Variants in LNPEP observed in about 807,000 individuals in gnomAD.
LNPEP encodes leucyl-cystinyl aminopeptidase.
A neutral mutation model predicts 120.6 loss-of-function variants in LNPEP; 64 were observed. The ratio of observed to expected loss-of-function variants is 0.53; its 90% CI spans 0.43 to 0.65. The LOEUF (loss-of-function observed/expected upper bound fraction) is 0.65, where lower values mean the gene tolerates loss of function less well. LNPEP is among the 30% of genes least tolerant of loss of function. The probability of loss-of-function intolerance (pLI) is 0.00; values close to 1 mark genes in which losing one functional copy is unlikely to be tolerated. For missense variants in LNPEP, 1,057 were observed against 1,200.0 expected (o/e 0.88, Z 1.76); for synonymous variants, 435 against 425.4 (o/e 1.02, Z -0.28).
chr5:96,986,693 T>C, intron 4 of LNPEP, 23 bp downstream of exon 4: 2 of 1,611,036 alleles, frequency 1.2e-6, no homozygotes, highest in Non-Finnish European at 1.7e-6. Context: ...GGTAATTGTC[T>C]GAAAGCCTGT....
intron 1 of LNPEP, chr5:96,958,399 C>A: frequency 1.3e-6 from 1 of 783,648 alleles, no homozygotes. Flanking sequence ...AATTGAATTA[C>A]CTAATAGCTA....
At chr5:96,943,469 T>TA (rs1177244596) in intron 1 of LNPEP, among the ~76,000 whole-genome samples, 1 of 152,188 alleles carries the variant, frequency 6.6e-6, no homozygotes, top group Non-Finnish European at 1.5e-5. Context: ...GTATTTTTTG[T>TA]AGAGATGGAG....
At chr5:97,000,120 A>G (rs534569160) in intron 8 of LNPEP, among the ~76,000 whole-genome samples, 3 of 152,278 alleles carry the variant, frequency 2.0e-5, no homozygotes, top group African/African-American at 7.2e-5. Flanking sequence ...AAATGAATGA[A>G]TAAGTAGGTA....
rs1054169773 is a variant in LNPEP, at chr5:97,029,980, G to A, written c.*1447G>A. ...TATTTTGTTTGAAAACAGTTTCTAT[G>A]TACATAAAAAGGGTATTTACCCATT... On this transcript the variant is annotated 3_prime_UTR_variant, in exon 18 of 18. Coordinates refer to ENST00000231368, the MANE Select transcript of LNPEP (RefSeq NM_005575.3). 3 of 151,968 alleles carry A rather than the reference G, an allele frequency of 2.0e-5. No individual in the cohort carries two copies. Among genetic ancestry groups the A allele is most frequent in the African/African-American group, 7.2e-5 (3 of 41,384 alleles). The allele number at this position is 151,968 out of a possible 1,614,324, so 9.4% of individuals were successfully genotyped here. A position where few individuals can be genotyped will look rare whatever the true frequency, so the allele number is the denominator to read the frequency against.
Position 97,036,750 on chromosome 5 carries a change from A to T in LNPEP, c.*8217A>T, listed in dbSNP as rs989936175. On this transcript the variant is annotated 3_prime_UTR_variant, in exon 18 of 18. Transcript: ENST00000231368. ...TTTGCAAAGAAATGTTACATACTGTATATCAAACTCTCAGATTCTAGTGTT... is the reference window on the plus strand; with the variant it reads ...TTTGCAAAGAAATGTTACATACTGTTTATCAAACTCTCAGATTCTAGTGTT... The T allele has an allele frequency of 1.3e-5, 2 of 152,178 alleles. No homozygotes were observed. Among genetic ancestry groups the T allele is most frequent in the African/African-American group, 4.8e-5 (2 of 41,458 alleles). 9.4% of individuals were successfully genotyped at this position (152,178 alleles called of 1,614,324 possible).
At chr5:96,994,112 C>G in intron 6 of LNPEP, 141 bp downstream of exon 6, 1 of 682,112 alleles carries the variant, frequency 1.5e-6, no homozygotes, top group Non-Finnish European at 2.4e-6. Flanking sequence ...TTTTTAAACA[C>G]AAACTTCATT....
At chr5:96,946,424 GA>G (rs1404178670) in intron 1 of LNPEP, among the ~76,000 whole-genome samples, 3 of 152,172 alleles carry the variant, frequency 2.0e-5, no homozygotes, top group Non-Finnish European at 4.4e-5. Flanking sequence ...GAATTAGATG[GA>G]AATAAGCACA....
chr5:97,031,508 C>T lies in LNPEP; in HGVS notation c.*2975C>T, dbSNP rs1007629182. ...GCCACCACAGGAACACAAGAGTTGT[C>T]AGAAGACTCCTGGGTGTACAGAGCA... On this transcript the variant is annotated 3_prime_UTR_variant, in exon 18 of 18. Coordinates refer to ENST00000231368, the MANE Select transcript of LNPEP (RefSeq NM_005575.3). 2.6e-5 allele frequency: 4 copies of T among 152,182 alleles called. No individual in the cohort carries two copies. The highest frequency in any genetic ancestry group is 4.4e-5 in the Non-Finnish European group (3 of 68,036). 9.4% of individuals were successfully genotyped at this position (152,182 alleles called of 1,614,324 possible).
chr5:96,966,379 A>G (rs116059270), intron 1 of LNPEP, among the ~76,000 whole-genome samples: 2,285 of 152,162 alleles, frequency 0.015, 62 homozygotes, highest in African/African-American at 0.052. Flanking sequence ...ACATGCCTGT[A>G]GTCCCACCTA....
chr5:96,995,100 C>T (rs1393504853), intron 6 of LNPEP, among the ~76,000 whole-genome samples: 1 of 151,970 alleles, frequency 6.6e-6, no homozygotes, highest in African/African-American at 2.4e-5. Flanking sequence ...GAGTGAAACT[C>T]CATCTCAAAA....
At chr5:96,938,425 A>G (rs1162761481) in intron 1 of LNPEP, among the ~76,000 whole-genome samples, 1 of 152,256 alleles carries the variant, frequency 6.6e-6, no homozygotes, top group African/African-American at 2.4e-5. Context: ...AACAAAAAAC[A>G]GTTTCAGTAA....
chr5:97,010,673 A>G (rs957175791), intron 11 of LNPEP: 3 of 985,170 alleles, frequency 3.0e-6, no homozygotes, highest in African/African-American at 1.7e-5. Flanking sequence ...AGATTACTTC[A>G]TCTGGGCTTC....
In LNPEP at chr5:97,024,588, C is replaced by T; in HGVS notation, c.2629C>T (p.Leu877Phe). Residue 877 changes from leucine to phenylalanine, a missense_variant, in exon 15 of 18, where the codon CTT (leucine) becomes TTT (phenylalanine). Coordinates refer to ENST00000231368, the MANE Select transcript of LNPEP (RefSeq NM_005575.3). ...GAKTDKGWSFLLGKYISIGSE... is the reference protein window; with the variant it reads ...GAKTDKGWSFFLGKYISIGSE... Reference sequence around the variant, plus strand: ...AAAAACTGACAAAGGCTGGTCATTCCTTTTGGGCAAATACATTTCTATAGG... The same window carrying T: ...AAAAACTGACAAAGGCTGGTCATTCTTTTTGGGCAAATACATTTCTATAGG... 1 of 1,614,072 alleles carries T rather than the reference C, an allele frequency of 6.2e-7. No homozygotes were observed. Among genetic ancestry groups the T allele is most frequent in the Non-Finnish European group, 8.5e-7 (1 of 1,179,958 alleles).
chr5:96,989,347 TA>T (rs1561443107), intron 4 of LNPEP, among the ~76,000 whole-genome samples: 1,031 of 23,778 alleles, frequency 0.043, 18 homozygotes, highest in African/African-American at 0.14. Context: ...TAATATATAA[TA>T]TATTATATAT....
chr5:96,946,173 C>T (rs1237448348), intron 1 of LNPEP, among the ~76,000 whole-genome samples: 1 of 152,124 alleles, frequency 6.6e-6, no homozygotes, highest in African/African-American at 2.4e-5. Flanking sequence ...GGCTCAGCGC[C>T]TTAGTATCTA....
Position 96,998,155 on chromosome 5 carries a change from TGAACAAAAAGGTAGCTG to T in LNPEP, c.1653+13_1653+29del. ...TCTTTCCTATTTTAAGGTATTGCTG[TGAACAAAAAGGTAGCTG>T]GAGTGGGTTTAAAATTTCGTATAAT... On this transcript the variant is annotated intron_variant, in intron 8 of 17. Transcript: ENST00000231368. 1.3e-6 allele frequency: 2 copies of T among 1,581,638 alleles called. No individual in the cohort carries two copies. The highest frequency in any genetic ancestry group is 2.3e-5 in the South Asian group (2 of 85,146).
At chr5:97,010,366 A>C in intron 11 of LNPEP, 1 of 984,700 alleles carries the variant, frequency 1.0e-6, no homozygotes, top group Non-Finnish European at 1.2e-6. Context: ...GGTAATTAGG[A>C]TGAAAGAAGG....
At chr5:96,970,551 A>C (rs1223526704) in intron 1 of LNPEP, among the ~76,000 whole-genome samples, 1 of 152,014 alleles carries the variant, frequency 6.6e-6, no homozygotes, top group Non-Finnish European at 1.5e-5. Flanking sequence ...TAAGTCTACC[A>C]TGTTGCCACT....
At chr5:96,945,530 AT>A (rs1789168201) in intron 1 of LNPEP, among the ~76,000 whole-genome samples, 1 of 151,948 alleles carries the variant, frequency 6.6e-6, no homozygotes, top group African/African-American at 2.4e-5. Flanking sequence ...AAATACCTTT[AT>A]TTCTTTCACA....
Sources: allele counts gnomAD v4.1 joint callset (sites outside exome capture counted in the v4.1 genomes callset), GRCh38; gene constraint gnomAD v4.1.1; transcripts MANE v1.5; gene names NCBI Gene and HGNC (gene_info 2026-07-23, HGNC 2026-07-21).